Variants in GRXCR1 observed in about 807,000 individuals in gnomAD.
The protein encoded by GRXCR1 is glutaredoxin and cysteine rich domain containing 1.
GRXCR1 carries 27 observed loss-of-function variants against 27.3 expected under a neutral mutation model. The ratio of observed to expected loss-of-function variants is 0.99; its 90% CI spans 0.73 to 1.37. The LOEUF (loss-of-function observed/expected upper bound fraction) is 1.37. Ranked by LOEUF, GRXCR1 falls within the 40% of genes most tolerant of loss-of-function variation. The pLI, the probability that GRXCR1 is intolerant of heterozygous loss-of-function variation, is 0.00. For missense variants in GRXCR1, 379 were observed against 354.4 expected, an observed-to-expected ratio of 1.07 and a Z score of -0.56; for synonymous variants, 122 against 131.1, an observed-to-expected ratio of 0.93 and a Z score of 0.47.
At chr4:42,925,474 A>T (rs1052635313) in intron 1 of GRXCR1, among the ~76,000 whole-genome samples, 4 of 152,084 alleles carry the variant, frequency 2.6e-5, no homozygotes, top group Non-Finnish European at 5.9e-5. Context: ...AAATTGCAGC[A>T]GCCCAGTTAA....
chr4:42,936,735 G>T (rs1448221975), intron 1 of GRXCR1, among the ~76,000 whole-genome samples: 1 of 151,836 alleles, frequency 6.6e-6, no homozygotes, highest in Non-Finnish European at 1.5e-5. Flanking sequence ...GTCGTGGAGA[G>T]TGCTGGTCAG....
chr4:42,911,990 TC>T (rs1335563954), intron 1 of GRXCR1, among the ~76,000 whole-genome samples: 1 of 152,076 alleles, frequency 6.6e-6, no homozygotes, highest in Non-Finnish European at 1.5e-5. Flanking sequence ...GGAAAGCTGT[TC>T]TGAGTTCTTA....
intron 1 of GRXCR1, among the ~76,000 whole-genome samples, chr4:42,942,990 G>C (rs1747659201): frequency 6.6e-6 from 1 of 152,032 alleles, no homozygotes; most frequent in Non-Finnish European, 1.5e-5. Context: ...CGATGTTTTA[G>C]AGCAGGAGGA....
chr4:42,898,619 T>C (rs1204174216), intron 1 of GRXCR1, among the ~76,000 whole-genome samples: 3 of 152,116 alleles, frequency 2.0e-5, no homozygotes, highest in Non-Finnish European at 4.4e-5. Flanking sequence ...TAGCATTAAG[T>C]ACTTATTGAA....
chr4:43,029,741 G>A (rs967801002), intron 3 of GRXCR1, among the ~76,000 whole-genome samples: 1 of 152,164 alleles, frequency 6.6e-6, no homozygotes, highest in South Asian at 2.1e-4. Context: ...AAGATAAAAT[G>A]AGGATAATGA....
chr4:43,007,001 C>T (rs182627894), intron 2 of GRXCR1, among the ~76,000 whole-genome samples: 1 of 152,292 alleles, frequency 6.6e-6, no homozygotes, highest in East Asian at 1.9e-4. Context: ...AAGGAGCTTA[C>T]ATCCTATTGT....
intron 2 of GRXCR1, among the ~76,000 whole-genome samples, chr4:42,989,783 C>T (rs1711903240): frequency 1.3e-5 from 2 of 152,140 alleles, no homozygotes; most frequent in Non-Finnish European, 2.9e-5. Context: ...AGTGTTTCTT[C>T]TTTCTCTTAG....
At chr4:42,916,863 T>C (rs1746897187) in intron 1 of GRXCR1, among the ~76,000 whole-genome samples, 1 of 152,116 alleles carries the variant, frequency 6.6e-6, no homozygotes, top group Admixed American at 6.6e-5. Context: ...TAGAATGAAG[T>C]TTGCAAGATG....
intron 2 of GRXCR1, among the ~76,000 whole-genome samples, chr4:43,005,114 A>G (rs981361027): frequency 6.6e-6 from 1 of 152,058 alleles, no homozygotes; most frequent in African/African-American, 2.4e-5. Flanking sequence ...TCATGAGATG[A>G]TCTGGTGGTT....
intron 2 of GRXCR1, among the ~76,000 whole-genome samples, chr4:42,984,022 G>T (rs1424916801): frequency 6.6e-6 from 1 of 151,948 alleles, no homozygotes; most frequent in Non-Finnish European, 1.5e-5. Flanking sequence ...CTTTAGTAGA[G>T]ATGGGTTTTT....
At chr4:42,999,665 T>C (rs545921027) in intron 2 of GRXCR1, among the ~76,000 whole-genome samples, 1 of 152,328 alleles carries the variant, frequency 6.6e-6, no homozygotes, top group African/African-American at 2.4e-5. Context: ...TAATTCAGAT[T>C]TTTTCCTTAA....
chr4:43,006,188 C>T (rs1189199298), intron 2 of GRXCR1, among the ~76,000 whole-genome samples: 1 of 152,070 alleles, frequency 6.6e-6, no homozygotes, highest in Non-Finnish European at 1.5e-5. Flanking sequence ...TGTATATCGC[C>T]TCAGGACCCT....
At chr4:42,977,760 C>T (rs2109782974) in intron 2 of GRXCR1, among the ~76,000 whole-genome samples, 1 of 152,012 alleles carries the variant, frequency 6.6e-6, no homozygotes, top group East Asian at 1.9e-4. Context: ...CAGGTTGTCC[C>T]CTCACTCTGT....
chr4:43,008,142 A>C (rs986302653), intron 2 of GRXCR1, among the ~76,000 whole-genome samples: 1 of 152,022 alleles, frequency 6.6e-6, no homozygotes, highest in Admixed American at 6.6e-5. Context: ...AGTACATTTT[A>C]ATTTCTCTTC....
intron 3 of GRXCR1, among the ~76,000 whole-genome samples, chr4:43,024,209 TTTTTGGTAAAGCTTATAAAAA>T (rs1713183125): frequency 6.7e-6 from 1 of 149,992 alleles, no homozygotes; most frequent in South Asian, 2.1e-4. Context: ...TTTTTTTTTT[TTTTTGGTAAAGCTTATAAAAA>T]TTACTTAATC....
intron 1 of GRXCR1, among the ~76,000 whole-genome samples, chr4:42,955,208 C>T (rs1470303386): frequency 6.6e-6 from 1 of 152,082 alleles, no homozygotes; most frequent in African/African-American, 2.4e-5. Context: ...CACTTTGCCT[C>T]TTTGCCTTTA....
chr4:43,010,789 G>C (rs894443161), intron 2 of GRXCR1, among the ~76,000 whole-genome samples: 4 of 152,100 alleles, frequency 2.6e-5, no homozygotes, highest in Non-Finnish European at 4.4e-5. Context: ...TTTGAAATAG[G>C]CTAAAAATTA....
intron 1 of GRXCR1, among the ~76,000 whole-genome samples, chr4:42,912,124 C>A (rs906640379): frequency 6.6e-6 from 1 of 152,044 alleles, no homozygotes; most frequent in Non-Finnish European, 1.5e-5. Flanking sequence ...GTTATCAGAG[C>A]AACTTTCATT....
intron 2 of GRXCR1, among the ~76,000 whole-genome samples, chr4:42,983,655 C>A (rs1711565060): frequency 6.6e-6 from 1 of 152,080 alleles, no homozygotes; most frequent in Admixed American, 6.6e-5. Flanking sequence ...GCAGTATGGC[C>A]ATTTTCACGA....
Sources: gnomAD v4.1 joint callset for allele counts (sites outside exome capture counted in the v4.1 genomes callset) on GRCh38, gnomAD v4.1.1 for gene constraint, MANE v1.5 for transcripts, NCBI Gene and HGNC (gene_info 2026-07-23, HGNC 2026-07-21) for gene names.